Variants in NOA1 observed in about 807,000 individuals in gnomAD.
NOA1 encodes nitric oxide associated 1, also known as nitric oxide-associated protein 1.
In NOA1, 35 loss-of-function variants were observed where a neutral mutation model predicts 58.4. That is an observed-to-expected ratio of 0.60 (90% CI 0.46 to 0.79). The LOEUF is 0.79. Ranked by LOEUF, NOA1 falls within the 30% of genes least tolerant of loss-of-function variation. The pLI is 0.00. For synonymous variants in NOA1, 397 were observed against 373.4 expected (o/e 1.06, Z -0.73); for missense variants, 895 against 894.6 (o/e 1.00, Z -0.01).
intron 1 of NOA1, 120 bp downstream of exon 1, chr4:56,976,322 T>C: frequency 1.2e-6 from 1 of 813,600 alleles, no homozygotes; most frequent in Non-Finnish European, 1.9e-6. Context: ...AGAGAATTTG[T>C]AAAGGGAAGG....
At position 56,977,289 on chromosome 4, in the gene NOA1, C is replaced by T; in HGVS notation, c.297G>A (p.Glu99=). The change falls in exon 1 of 7, where the codon GAG becomes GAA. Residue 99 remains glutamate (E), a synonymous_variant. Transcript: ENST00000264230. ...GCTGCTGCCTCTGTCGCTCCTCCTC[C>T]TCCTGCTGTTGCTGGAGCTCCTGCA... is the stretch of plus-strand genomic sequence containing the variant. ...KQLQELQQQQ[E]EEERQRQQRR... The T allele has an allele frequency of 1.2e-6, 2 of 1,613,988 alleles. No homozygotes were observed. The highest frequency in any genetic ancestry group is 1.7e-6 in the Non-Finnish European group (2 of 1,179,996).
Position 56,976,423 on chromosome 4 carries a change from C to T in NOA1, c.1144+19G>A. 6.2e-7 allele frequency: 1 copy of T among 1,600,348 alleles called. No individual in the cohort carries two copies. The highest frequency in any genetic ancestry group is 8.5e-7 in the Non-Finnish European group (1 of 1,170,450). Reference sequence around the variant, plus strand: ...CCACCTTGCCAGGAAACGAAGAGGGCGAGCCTCCTAAAACTCACCTGGCCA... The same window carrying T: ...CCACCTTGCCAGGAAACGAAGAGGGTGAGCCTCCTAAAACTCACCTGGCCA... On this transcript the variant is annotated intron_variant, in intron 1 of 6. Transcript: ENST00000264230.
chr4:56,966,306 T>G (rs1721708977), intron 5 of NOA1, among the ~76,000 whole-genome samples: 1 of 152,146 alleles, frequency 6.6e-6, no homozygotes, highest in Non-Finnish European at 1.5e-5. Context: ...ATTATAGGCG[T>G]GAGCCACCAC....
chr4:56,964,559 A>C, intron 5 of NOA1, 33 bp from the exon 6 acceptor site: 1 of 1,605,926 alleles, frequency 6.2e-7, no homozygotes, highest in Non-Finnish European at 8.5e-7. Flanking sequence ...TACAAGTTCA[A>C]ATTAAATTTC....
In NOA1 at chr4:56,966,605, G is replaced by A; in HGVS notation, c.1764+15C>T. 6.8e-7 allele frequency: 1 copy of A among 1,479,708 alleles called. No individual in the cohort carries two copies. The highest frequency in any genetic ancestry group is 9.4e-7 in the Non-Finnish European group (1 of 1,058,804). The allele number at this position is 1,479,708 out of a possible 1,614,324, so 91.7% of individuals were successfully genotyped here. A position where few individuals can be genotyped will look rare whatever the true frequency, so the allele number is the denominator to read the frequency against. The stretch of plus-strand genomic sequence containing the variant: ...ATACTAACCATAACCATGCAATCAA[G>A]GCATGTTGCCTTACCTGGAGTAACG... On this transcript the variant is annotated intron_variant, in intron 5 of 6. Transcript: ENST00000264230.
At chr4:56,965,714 G>A (rs1490959401) in intron 5 of NOA1, among the ~76,000 whole-genome samples, 2 of 94,936 alleles carry the variant, frequency 2.1e-5, no homozygotes, top group African/African-American at 3.8e-5. Context: ...GTGTGTGTGT[G>A]TGTGTGTGTG....
intron 3 of NOA1, among the ~76,000 whole-genome samples, chr4:56,970,739 G>C (rs1721796849): frequency 6.6e-6 from 1 of 152,044 alleles, no homozygotes; most frequent in South Asian, 2.1e-4. Context: ...TGGGACTACA[G>C]GTGTGAGGCA....
chr4:56,964,984 G>A (rs913008216), intron 5 of NOA1, among the ~76,000 whole-genome samples: 3 of 150,364 alleles, frequency 2.0e-5, no homozygotes, highest in Admixed American at 6.7e-5. Context: ...GTGTTTCCAC[G>A]ATTAGAAGTA....
chr4:56,973,018 A>G, intron 3 of NOA1, 130 bp downstream of exon 3: 1 of 761,344 alleles, frequency 1.3e-6, no homozygotes, highest in Non-Finnish European at 2.2e-6. Context: ...CTGGCTCTAC[A>G]TGCATTACAC....
At chr4:56,966,760 G>C in intron 4 of NOA1, 24 bp from the exon 5 acceptor site, 4 of 1,487,352 alleles carry the variant, frequency 2.7e-6, no homozygotes, top group East Asian at 2.3e-5. Context: ...GAAGTTATCT[G>C]ACCTGGTGAA....
chr4:56,966,787 C>CA, intron 4 of NOA1, 51 bp from the exon 5 acceptor site: 3 of 1,136,716 alleles, frequency 2.6e-6, no homozygotes, highest in Non-Finnish European at 4.0e-6. Context: ...GGAAAACCTG[C>CA]ATATTCAAGG....
chr4:56,976,917 C>T lies in NOA1; in HGVS notation c.669G>A (p.Leu223=), dbSNP rs1721942619. The T allele has an allele frequency of 1.2e-6, 2 of 1,611,286 alleles. No individual in the cohort carries two copies. The highest frequency in any genetic ancestry group is 2.7e-5 in the African/African-American group (2 of 74,944). ...GCAGCAGGGCGTCGGGCAGGTCCAGCAGGTCCACCATGTAGAGCACCAGGG... is the reference window on the plus strand; with the variant it reads ...GCAGCAGGGCGTCGGGCAGGTCCAGTAGGTCCACCATGTAGAGCACCAGGG... ...GPSLVLYMVD[L]LDLPDALLPD... Residue 223 remains leucine (L), a synonymous_variant, in exon 1 of 7, where the codon CTG becomes CTA. Coordinates refer to ENST00000264230, the MANE Select transcript of NOA1 (RefSeq NM_032313.4).
chr4:56,973,470 A>T (rs1413263936), intron 2 of NOA1, 117 bp from the exon 3 acceptor site: 2 of 865,398 alleles, frequency 2.3e-6, no homozygotes, highest in East Asian at 4.9e-5. Flanking sequence ...AAGTGAGACC[A>T]TAATGATACT....
Position 56,963,416 on chromosome 4 carries a change from ATAC to A in NOA1, c.*31_*33del, listed in dbSNP as rs1560462553. On this transcript the variant is annotated 3_prime_UTR_variant, in exon 7 of 7. Coordinates refer to ENST00000264230, the MANE Select transcript of NOA1 (RefSeq NM_032313.4). ...AATTCAATGTATTTTGTTGTGTTCA[ATAC>A]AGTTAATATCTGGAGTGAACAAGGT... 4 of 1,492,836 alleles carry A rather than the reference ATAC, an allele frequency of 2.7e-6. No individual in the cohort carries two copies. Among genetic ancestry groups the A allele is most frequent in the Non-Finnish European group, 3.7e-6 (4 of 1,070,174 alleles). The allele number at this position is 1,492,836 out of a possible 1,614,324, so 92.5% of individuals were successfully genotyped here.
chr4:56,965,853 T>TTTTTTTA (rs1560463381), intron 5 of NOA1, among the ~76,000 whole-genome samples: 9 of 148,264 alleles, frequency 6.1e-5, no homozygotes, highest in African/African-American at 7.5e-5. Flanking sequence ...TTTTTTTTTT[T>TTTTTTTA]AGAGACAGGG....
chr4:56,974,209 G>C (rs1389875825), intron 1 of NOA1, among the ~76,000 whole-genome samples, 187 bp from the exon 2 acceptor site: 4 of 152,158 alleles, frequency 2.6e-5, no homozygotes, highest in Non-Finnish European at 4.4e-5. Context: ...AAAATCTGTA[G>C]GCCCGATTTC....
chr4:56,974,045 A>G (rs1397457849), intron 1 of NOA1, 23 bp from the exon 2 acceptor site: 3 of 1,561,868 alleles, frequency 1.9e-6, no homozygotes, highest in Non-Finnish European at 1.8e-6. Context: ...GAATAAATAC[A>G]TCTTTACAAA....
chr4:56,976,706 G>A lies in NOA1; in HGVS notation c.880C>T (p.Pro294Ser), dbSNP rs143048453. The A allele has an allele frequency of 2.2e-5, 35 of 1,613,156 alleles. No homozygotes were observed. In the African/African-American group the frequency reaches 4.3e-4, roughly 20 times the overall value. The change falls in exon 1 of 7, where the codon CCA (proline) becomes TCA (serine). Residue 294 changes from proline to serine, a missense_variant. Pro to Ser is a moderately conservative substitution (Grantham distance 74). Transcript: ENST00000264230. ...QGPQRPVKDE[P>S]QDGENPNPPN... ...GGATTCGGATTCTCCCCGTCCTGTG[G>A]CTCGTCCTTGACGGGGCGCTGTGGC...
chr4:56,965,003 A>AT (rs36105039), intron 5 of NOA1, among the ~76,000 whole-genome samples: 106 of 148,246 alleles, frequency 7.2e-4, no homozygotes, highest in Middle Eastern at 3.4e-3. Flanking sequence ...TAATTGAGTA[A>AT]TTTTTTTTTT....
Sources: gnomAD v4.1 joint callset for allele counts (sites outside exome capture counted in the v4.1 genomes callset) on GRCh38, gnomAD v4.1.1 for gene constraint, MANE v1.5 for transcripts, NCBI Gene and HGNC (gene_info 2026-07-23, HGNC 2026-07-21) for gene names.